GHR: variants seen among roughly 807,000 people sequenced by gnomAD.
GHR encodes growth hormone receptor.
A neutral mutation model predicts 67.1 loss-of-function variants in GHR; 35 were observed. The ratio of observed to expected loss-of-function variants is 0.52; its 90% CI spans 0.40 to 0.69. The LOEUF (loss-of-function observed/expected upper bound fraction) is 0.69. GHR is among the 30% of genes least tolerant of loss of function. The pLI is 0.00. For synonymous variants in GHR, 272 were observed against 269.1 expected, an observed-to-expected ratio of 1.01 and a Z score of -0.10; for missense variants, 792 against 764.6, an observed-to-expected ratio of 1.04 and a Z score of -0.42.
At chr5:42,683,668 G>T (rs1437932683) in intron 3 of GHR, among the ~76,000 whole-genome samples, 1 of 152,026 alleles carries the variant, frequency 6.6e-6, no homozygotes, top group Non-Finnish European at 1.5e-5. Flanking sequence ...GAGAAGGAGG[G>T]TGCAGGGTAA....
At chr5:42,657,194 G>A (rs561432133) in intron 3 of GHR, among the ~76,000 whole-genome samples, 1 of 152,216 alleles carries the variant, frequency 6.6e-6, no homozygotes, top group South Asian at 2.1e-4. Context: ...CCTCATGGAG[G>A]CAGCAAAACA....
intron 1 of GHR, among the ~76,000 whole-genome samples, chr5:42,518,918 C>G (rs1000703097): frequency 1.3e-5 from 2 of 152,126 alleles, no homozygotes; most frequent in Non-Finnish European, 2.9e-5. Context: ...AGTCATGTGA[C>G]TTTTTCTTGG....
At chr5:42,447,528 G>A (rs1056142962) in intron 1 of GHR, among the ~76,000 whole-genome samples, 1 of 152,074 alleles carries the variant, frequency 6.6e-6, no homozygotes, top group African/African-American at 2.4e-5. Flanking sequence ...CTCATTGGTT[G>A]ATAGGCATTT....
chr5:42,571,329 A>G (rs752742598), intron 2 of GHR, among the ~76,000 whole-genome samples: 2 of 152,192 alleles, frequency 1.3e-5, no homozygotes, highest in Non-Finnish European at 2.9e-5. Context: ...TGGCTGTGGT[A>G]TGGCTCAGGC....
intron 1 of GHR, among the ~76,000 whole-genome samples, chr5:42,525,987 C>T (rs2112322277): frequency 6.6e-6 from 1 of 152,222 alleles, no homozygotes; most frequent in Middle Eastern, 3.4e-3. Flanking sequence ...TGAAAACAAA[C>T]TAATACAGTG....
At chr5:42,555,818 A>G (rs544371336) in intron 1 of GHR, among the ~76,000 whole-genome samples, 8 of 152,328 alleles carry the variant, frequency 5.3e-5, no homozygotes, top group African/African-American at 1.4e-4. Flanking sequence ...AAAGACAAGG[A>G]GCCTGGTAAC....
At chr5:42,474,307 AAG>A (rs1561325540) in intron 1 of GHR, among the ~76,000 whole-genome samples, 5 of 134,130 alleles carry the variant, frequency 3.7e-5, no homozygotes, top group Non-Finnish European at 3.3e-5. Flanking sequence ...GAAAGAAAGA[AAG>A]AAAGAAAGAA....
intron 3 of GHR, among the ~76,000 whole-genome samples, chr5:42,678,456 C>T (rs779503858): frequency 5.9e-5 from 9 of 152,138 alleles, no homozygotes; most frequent in Non-Finnish European, 8.8e-5. Context: ...CCCAGCAGCC[C>T]TGCACATAGG....
chr5:42,526,864 C>T (rs982231246), intron 1 of GHR, among the ~76,000 whole-genome samples: 1 of 152,160 alleles, frequency 6.6e-6, no homozygotes, highest in Admixed American at 6.5e-5. Flanking sequence ...AAAGGAACCC[C>T]ATCGGGCCAA....
intron 1 of GHR, chr5:42,549,563 G>T: frequency 2.2e-6 from 1 of 452,100 alleles, no homozygotes; most frequent in South Asian, 9.3e-5. Context: ...TTAGGGGAAT[G>T]AGTAGCAAAG....
At chr5:42,671,062 A>C (rs751332112) in intron 3 of GHR, among the ~76,000 whole-genome samples, 15 of 152,044 alleles carry the variant, frequency 9.9e-5, no homozygotes, top group Non-Finnish European at 2.2e-4. Context: ...GCAGCACATC[A>C]AAAAGTTAAT....
intron 1 of GHR, among the ~76,000 whole-genome samples, chr5:42,451,550 A>G (rs759675981): frequency 1.5e-4 from 23 of 152,126 alleles, no homozygotes; most frequent in Non-Finnish European, 2.9e-4. Context: ...CTAAAAATAC[A>G]AAGAAATTAG....
At chr5:42,531,331 C>T (rs889526626) in intron 1 of GHR, among the ~76,000 whole-genome samples, 2 of 151,882 alleles carry the variant, frequency 1.3e-5, no homozygotes, top group Non-Finnish European at 2.9e-5. Flanking sequence ...AAGGAATTCT[C>T]AGCTGGGGCT....
chr5:42,424,490 G>T lies in GHR; in HGVS notation c.-12+535G>T, dbSNP rs1356691511. ...AGGTCGAGCTGTGCGCGTGGACACA[G>T]CGCGCAGAGCGCGCGGTCTTTTGCG... On this transcript the variant is annotated intron_variant, in intron 1 of 9. Transcript: ENST00000230882. This position sits in a 1 kb window ranked among gnomAD's most constrained non-coding sequence, Gnocchi z 4.1. 2.9e-6 allele frequency: 3 copies of T among 1,023,342 alleles called. No individual in the cohort carries two copies. In the South Asian group the frequency reaches 4.1e-5, roughly 14 times the overall value. The allele number at this position is 1,023,342 out of a possible 1,614,324, so 63.4% of individuals were successfully genotyped here.
chr5:42,551,086 A>G (rs1579922796), intron 1 of GHR, among the ~76,000 whole-genome samples: 1 of 152,288 alleles, frequency 6.6e-6, no homozygotes, highest in Non-Finnish European at 1.5e-5. Context: ...CCGCACGCAT[A>G]CATGTCACAT....
intron 1 of GHR, among the ~76,000 whole-genome samples, chr5:42,513,182 G>A (rs1457522103): frequency 1.3e-5 from 2 of 152,180 alleles, no homozygotes; most frequent in Middle Eastern, 3.2e-3. Context: ...CTGGAGATGT[G>A]ATGCTTTGAC....
chr5:42,517,951 A>T (rs1403159536), intron 1 of GHR, among the ~76,000 whole-genome samples: 1 of 151,974 alleles, frequency 6.6e-6, no homozygotes, highest in Non-Finnish European at 1.5e-5. Flanking sequence ...ACCAGTTTAG[A>T]ATATGCCAGG....
At chr5:42,480,232 T>C (rs563909821) in intron 1 of GHR, among the ~76,000 whole-genome samples, 20 of 152,380 alleles carry the variant, frequency 1.3e-4, no homozygotes, top group African/African-American at 4.8e-4. Context: ...TCTACTTTGA[T>C]TGCACTGTGG....
chr5:42,700,999 A>T (rs933130832), intron 6 of GHR, among the ~76,000 whole-genome samples: 3 of 152,190 alleles, frequency 2.0e-5, no homozygotes, highest in African/African-American at 7.2e-5. Flanking sequence ...ACAATCAAAC[A>T]TTATTTAACA....
Sources: gnomAD v4.1 joint callset for allele counts (sites outside exome capture counted in the v4.1 genomes callset) on GRCh38, gnomAD v4.1.1 for gene constraint, Gnocchi (gnomAD v3.1) non-coding constraint, MANE v1.5 for transcripts, NCBI Gene and HGNC (gene_info 2026-07-23, HGNC 2026-07-21) for gene names.